H1-8: variants seen among roughly 807,000 people sequenced by gnomAD.
H1-8 encodes histone H1.8.
H1-8 carries 13 observed loss-of-function variants against 19.5 expected under a neutral mutation model. The ratio of observed to expected loss-of-function variants is 0.67; its 90% confidence interval spans 0.43 to 1.06. The LOEUF (loss-of-function observed/expected upper bound fraction) is 1.06. Ranked by LOEUF, H1-8 falls within the 50% of genes least tolerant of loss-of-function variation. The pLI is 0.00. For missense variants in H1-8, 432 were observed against 459.8 expected (o/e 0.94, Z 0.55); for synonymous variants, 193 against 187.6 (o/e 1.03, Z -0.24).
intron 1 of H1-8, 70 bp from the exon 2 acceptor site, chr3:129,547,321 C>T (rs2084896037): frequency 1.5e-5 from 21 of 1,428,682 alleles, no homozygotes; most frequent in Non-Finnish European, 1.9e-5. Context: ...ACCCACCCCC[C>T]ACGGGCCAGC....
intron 4 of H1-8, 127 bp downstream of exon 4, chr3:129,550,936 C>T: frequency 1.0e-6 from 1 of 987,194 alleles, no homozygotes; most frequent in Non-Finnish European, 1.5e-6. Context: ...CTACAAAGCA[C>T]AGTCCACCAC....
chr3:129,550,675 C>T, intron 3 of H1-8, 70 bp from the exon 4 acceptor site: 2 of 1,302,834 alleles, frequency 1.5e-6, no homozygotes, highest in South Asian at 2.4e-5. Flanking sequence ...GTTCTAGAGC[C>T]CCTGAAACTT....
At chr3:129,544,612 G>A (rs546294394) in intron 1 of H1-8, among the ~76,000 whole-genome samples, 57 of 152,134 alleles carry the variant, frequency 3.7e-4, no homozygotes, top group African/African-American at 1.3e-3. Flanking sequence ...GTATACAGCA[G>A]GCATGGAATA....
chr3:129,543,209 T>A lies in H1-8; in HGVS notation c.-10T>A, dbSNP rs1578286766. 6.2e-7 allele frequency: 1 copy of A among 1,610,200 alleles called. No homozygotes were observed. The highest frequency in any genetic ancestry group is 8.5e-7 in the Non-Finnish European group (1 of 1,177,780). On this transcript the variant is annotated 5_prime_UTR_variant, in exon 1 of 5. Transcript: ENST00000324382. Reference sequence around the variant, plus strand: ...GGGTGAGGGGTCTGCTGGCTGCACCTGTCGGTCTCATGGCTCCTGGGAGCG... The same window carrying A: ...GGGTGAGGGGTCTGCTGGCTGCACCAGTCGGTCTCATGGCTCCTGGGAGCG...
At chr3:129,548,759 T>TC (rs2084909242) in intron 2 of H1-8, among the ~76,000 whole-genome samples, 1 of 149,422 alleles carries the variant, frequency 6.7e-6, no homozygotes, top group Admixed American at 6.7e-5. Context: ...GGAGGAGGAG[T>TC]CCAGAGGCAC....
chr3:129,547,409 T>G lies in H1-8; in HGVS notation c.107T>G (p.Val36Gly), dbSNP rs2084896922. The change falls in exon 2 of 5, where the codon GTC becomes GGC. Residue 36 changes from valine (V) to glycine (G), a missense_variant. Transcript: ENST00000324382. ...SEKPGPSHGG[V>G]PPGGPSHSSL... is the part of the protein sequence containing the mutation. The stretch of plus-strand genomic sequence containing the variant: ...TCCTCAGGCCCGAGCCACGGCGGTG[T>G]CCCACCAGGAGGCCCGAGCCACAGC... The G allele has an allele frequency of 7.1e-6, 10 of 1,414,886 alleles. No homozygotes were observed. The highest frequency in any genetic ancestry group is 2.9e-5 in the East Asian group (1 of 34,170). The allele number at this position is 1,414,886 out of a possible 1,614,324, so 87.6% of individuals were successfully genotyped here.
At chr3:129,548,334 CAG>C in intron 2 of H1-8, 5 of 985,964 alleles carry the variant, frequency 5.1e-6, no homozygotes, top group Non-Finnish European at 6.0e-6. Flanking sequence ...TGACAGATCA[CAG>C]AAAGTCCCAC....
At chr3:129,544,533 G>C (rs1182746373) in intron 1 of H1-8, among the ~76,000 whole-genome samples, 1 of 151,854 alleles carries the variant, frequency 6.6e-6, no homozygotes, top group African/African-American at 2.4e-5. Context: ...GGCAGTGGGG[G>C]CATGGGGCAT....
At chr3:129,547,997 G>A (rs1481035532) in intron 2 of H1-8, among the ~76,000 whole-genome samples, 1 of 152,190 alleles carries the variant, frequency 6.6e-6, no homozygotes, top group Non-Finnish European at 1.5e-5. Context: ...CCACAGCAAA[G>A]GGTTTTCCCT....
chr3:129,546,638 T>C (rs62267567), intron 1 of H1-8, among the ~76,000 whole-genome samples: 7,190 of 152,326 alleles, frequency 0.047, 234 homozygotes, highest in Non-Finnish European at 0.069. Context: ...CTGTTGCCTT[T>C]CTTTTTCCAG....
rs200951625 is a variant in H1-8 at position 129,547,696 on chromosome 3, G to C, written c.378+16G>C. Reference sequence around the variant, plus strand: ...CAGCTTCAAAGTAAGCGCCCCTGAGGGAGGACATAGCCCAGGGTTGGAGCA... The same window carrying C: ...CAGCTTCAAAGTAAGCGCCCCTGAGCGAGGACATAGCCCAGGGTTGGAGCA... On this transcript the variant is annotated intron_variant, in intron 2 of 4. Transcript: ENST00000324382. 2.0e-6 allele frequency: 3 copies of C among 1,530,006 alleles called. No individual in the cohort carries two copies. The East Asian group carries it at 7.3e-5, about 37-fold the overall frequency. 94.8% of individuals were successfully genotyped at this position (1,530,006 alleles called of 1,614,324 possible).
In H1-8 at chr3:129,550,184, G is replaced by T. The variant is rs79421420; in HGVS notation, c.743-561G>T. Among the ~76,000 whole-genome samples, 122 of 152,204 alleles carry T rather than the reference G, an allele frequency of 8.0e-4. 2 individuals are homozygous for T. The East Asian group carries it at 0.022, about 27-fold the overall frequency. On this transcript the variant is annotated intron_variant, in intron 3 of 4. Transcript: ENST00000324382. The stretch of plus-strand genomic sequence containing the variant: ...CTCTTGCTCTGTCACACAGGTGAGT[G>T]CTGAGCCCAGGAATTAGAGACCAAT...
At chr3:129,546,854 C>T (rs920631326) in intron 1 of H1-8, among the ~76,000 whole-genome samples, 7 of 152,122 alleles carry the variant, frequency 4.6e-5, no homozygotes, top group South Asian at 4.1e-4. Flanking sequence ...CCCACAGTTA[C>T]GAAATTCACC....
chr3:129,544,879 C>T lies in H1-8; in HGVS notation c.88+1573C>T, dbSNP rs555914234. The stretch of plus-strand genomic sequence containing the variant: ...GGGAAGAATGAAACTCCCGAGAACC[C>T]GGGAGTGACCCAGGACTACACCAGC... On this transcript the variant is annotated intron_variant, in intron 1 of 4. Transcript: ENST00000324382. Among the ~76,000 whole-genome samples the T allele has an allele frequency of 1.8e-4, 28 of 152,138 alleles. No individual in the cohort carries two copies. In the East Asian group the frequency reaches 4.6e-3, roughly 25 times the overall value.
intron 1 of H1-8, among the ~76,000 whole-genome samples, chr3:129,546,536 G>A (rs1477574272): frequency 6.6e-6 from 1 of 152,158 alleles, no homozygotes; most frequent in Admixed American, 6.5e-5. Flanking sequence ...TAACAGATAA[G>A]AGCCTTTTAA....
chr3:129,547,344 CTG>C, intron 1 of H1-8, 45 bp from the exon 2 acceptor site: 1 of 1,458,032 alleles, frequency 6.9e-7, no homozygotes. Context: ...ATGCCTGCCA[CTG>C]AGTTGTGACT....
chr3:129,550,357 G>A (rs1050279975), intron 3 of H1-8, among the ~76,000 whole-genome samples: 2 of 152,086 alleles, frequency 1.3e-5, no homozygotes, highest in Admixed American at 6.5e-5. Flanking sequence ...AACTGAGATC[G>A]CCCCACCACA....
chr3:129,547,541 A>G lies in H1-8; in HGVS notation c.239A>G (p.Tyr80Cys). 1 of 1,577,772 alleles carries G rather than the reference A, an allele frequency of 6.3e-7. No homozygotes were observed. The highest frequency in any genetic ancestry group is 8.6e-7 in the Non-Finnish European group (1 of 1,161,848). Residue 80 changes from tyrosine (Y) to cysteine (C), a missense_variant, in exon 2 of 5, where the codon TAC (tyrosine) becomes TGC (cysteine). Tyr to Cys is a radical substitution (Grantham distance 194). Transcript: ENST00000324382. ...RGTSVAAIKL[Y>C]ILHKYPTVDV... ...ACGTCGGTGGCAGCTATCAAGCTCT[A>G]CATCCTGCACAAGTACCCAACAGTG... is the stretch of plus-strand genomic sequence containing the variant.
At chr3:129,549,849 G>T (rs61525383) in intron 3 of H1-8, among the ~76,000 whole-genome samples, 4,379 of 152,264 alleles carry the variant, frequency 0.029, 232 homozygotes, top group African/African-American at 0.1. Context: ...AGGTACTTGG[G>T]TGGCTGAGGC....
Sources: gnomAD v4.1 joint callset for allele counts (sites outside exome capture counted in the v4.1 genomes callset) on GRCh38, gnomAD v4.1.1 for gene constraint, MANE v1.5 for transcripts, NCBI Gene and HGNC (gene_info 2026-07-23, HGNC 2026-07-21) for gene names.